Variants in DSN1 observed in about 807,000 individuals in gnomAD.
DSN1 encodes the protein DSN1 component of MIS12 kinetochore complex.
DSN1 carries 31 observed loss-of-function variants against 45.7 expected under a neutral mutation model. The ratio of observed to expected loss-of-function variants is 0.68; its 90% CI spans 0.51 to 0.92. The LOEUF (loss-of-function observed/expected upper bound fraction) is 0.92. Among genes scored for constraint, DSN1 ranks in the 40% least tolerant of loss-of-function variants. DSN1 has a pLI of 0.00. For synonymous variants in DSN1, 134 were observed against 142.3 expected (o/e 0.94, Z 0.41); for missense variants, 394 against 414.2 (o/e 0.95, Z 0.42).
chr20:36,769,063 T>C (rs1341658549), intron 3 of DSN1, among the ~76,000 whole-genome samples: 1 of 152,228 alleles, frequency 6.6e-6, no homozygotes, highest in Non-Finnish European at 1.5e-5. Flanking sequence ...AGGCACAAAG[T>C]AATAGGTCAC....
intron 3 of DSN1, among the ~76,000 whole-genome samples, chr20:36,768,897 A>C (rs1395697959): frequency 1.3e-5 from 2 of 152,172 alleles, no homozygotes; most frequent in Non-Finnish European, 2.9e-5. Flanking sequence ...CTATTACCAC[A>C]CTGCCTCTCT....
At position 36,762,485 on chromosome 20, in the gene DSN1, TG is replaced by T. The variant is rs1987050378; in HGVS notation, c.565del (p.Gln189LysfsTer23). On this transcript the variant is annotated frameshift_variant, in exon 6 of 11. Transcript: ENST00000373750. LOFTEE classifies it high-confidence loss of function. Reference protein sequence around the residue: ...ADGLETDGTLQKCFEDSNGKA... With the variant: ...ADGLETDGTLXKCFEDSNGKA... ...CCCATTTGAATCTTCAAAACATTTTTGTAGAGTTCCATCAGTTTCCAGTCCG... is the reference window on the plus strand; with the variant it reads ...CCCATTTGAATCTTCAAAACATTTTTTAGAGTTCCATCAGTTTCCAGTCCG... The T allele has an allele frequency of 6.2e-7, 1 of 1,613,810 alleles. No homozygotes were observed. The highest frequency in any genetic ancestry group is 1.3e-5 in the African/African-American group (1 of 75,022).
intron 10 of DSN1, among the ~76,000 whole-genome samples, chr20:36,754,334 T>A (rs1325806133): frequency 6.6e-6 from 1 of 151,828 alleles, no homozygotes; most frequent in Non-Finnish European, 1.5e-5. Context: ...GCGAGAGACT[T>A]TGCCCCCCCA....
intron 4 of DSN1, among the ~76,000 whole-genome samples, chr20:36,767,312 A>C (rs1166900904): frequency 6.7e-6 from 1 of 150,136 alleles, no homozygotes; most frequent in Non-Finnish European, 1.5e-5. Context: ...TCTCAAAAAA[A>C]CAACAAAAAA....
chr20:36,755,767 G>A lies in DSN1; in HGVS notation c.788C>T (p.Ser263Phe), dbSNP rs1361542840. ...KVEPMTYLGSSQNEVLNTKPD... is the reference protein window; with the variant it reads ...KVEPMTYLGSFQNEVLNTKPD... ...TTTTGTATTAAGAACTTCATTCTGA[G>A]AAGACCCAAGATATGTCATAGGTTC... The change falls in exon 9 of 11, where the codon TCT becomes TTT. Residue 263 changes from serine (S) to phenylalanine (F), a missense_variant. Ser to Phe is a radical substitution (Grantham distance 155). Coordinates refer to ENST00000373750, the MANE Select transcript of DSN1 (RefSeq NM_001145315.2). 6.2e-7 allele frequency: 1 copy of A among 1,614,016 alleles called. No individual in the cohort carries two copies. Among genetic ancestry groups the A allele is most frequent in the Non-Finnish European group, 8.5e-7 (1 of 1,180,000 alleles).
intron 6 of DSN1, among the ~76,000 whole-genome samples, chr20:36,760,230 C>T (rs138424662): frequency 0.028 from 4,251 of 151,730 alleles, 241 homozygotes; most frequent in African/African-American, 0.098. Flanking sequence ...GCCAACAGAG[C>T]GAGACTCTGC....
chr20:36,771,032 C>G lies in DSN1; in HGVS notation c.196G>C (p.Asp66His). The G allele has an allele frequency of 6.2e-7, 1 of 1,614,176 alleles. No homozygotes were observed. The highest frequency in any genetic ancestry group is 8.5e-7 in the Non-Finnish European group (1 of 1,180,026). The change falls in exon 3 of 11, where the codon GAT becomes CAT. Residue 66 changes from aspartate (D) to histidine (H), a missense_variant. By Grantham distance (81) the Asp-to-His change is moderately conservative. Transcript: ENST00000373750. ...TGAAGTCTTTCCTGGTGGCTGAGAT[C>G]ACAATTTCCCCCTTTTTTAGGGCTA... ...GSSPKKGGNC[D>H]LSHQERLQSK...
At chr20:36,763,467 A>T (rs2148272742) in intron 5 of DSN1, among the ~76,000 whole-genome samples, 1 of 151,822 alleles carries the variant, frequency 6.6e-6, no homozygotes, top group African/African-American at 2.4e-5. Flanking sequence ...GTAATAAGAA[A>T]CACGGAGGCA....
chr20:36,766,734 C>G (rs749091670), intron 5 of DSN1, 35 bp downstream of exon 5: 2 of 1,568,650 alleles, frequency 1.3e-6, no homozygotes, highest in Non-Finnish European at 1.7e-6. Flanking sequence ...TTTGACTGCC[C>G]AGGGTCAAAG....
rs1986404948 is a variant in DSN1, at chr20:36,751,975, T to C, written c.*813A>G. The C allele has an allele frequency of 6.6e-6, 1 of 152,192 alleles. No homozygotes were observed. 9.4% of individuals were successfully genotyped at this position (152,192 alleles called of 1,614,324 possible). A position where few individuals can be genotyped will look rare whatever the true frequency, so the allele number is the denominator to read the frequency against. On this transcript the variant is annotated 3_prime_UTR_variant, in exon 11 of 11. Coordinates refer to ENST00000373750, the MANE Select transcript of DSN1 (RefSeq NM_001145315.2). ...ACATAGAGAATGAGTGGTATTTCCTTCAAATTGAACATCTTGTGAAGTGAC... is the reference window on the plus strand; with the variant it reads ...ACATAGAGAATGAGTGGTATTTCCTCCAAATTGAACATCTTGTGAAGTGAC...
intron 10 of DSN1, 140 bp from the exon 11 acceptor site, chr20:36,753,037 A>G (rs1264318410): frequency 2.6e-5 from 18 of 685,594 alleles, no homozygotes; most frequent in Admixed American, 5.3e-5. Flanking sequence ...CAAGGAGATG[A>G]CAATTTGGTA....
At chr20:36,762,758 T>A (rs1361779259) in intron 5 of DSN1, among the ~76,000 whole-genome samples, 1 of 152,174 alleles carries the variant, frequency 6.6e-6, no homozygotes, top group Non-Finnish European at 1.5e-5. Context: ...AACTCATTTT[T>A]ATCTATTTAT....
At chr20:36,766,357 T>C (rs117271223) in intron 5 of DSN1, among the ~76,000 whole-genome samples, 1 of 151,852 alleles carries the variant, frequency 6.6e-6, no homozygotes, top group Non-Finnish European at 1.5e-5. Context: ...TTCATAAGCA[T>C]GTATTCTTGC....
At chr20:36,760,610 C>T (rs565504969) in intron 6 of DSN1, among the ~76,000 whole-genome samples, 5 of 152,170 alleles carry the variant, frequency 3.3e-5, no homozygotes, top group East Asian at 3.9e-4. Context: ...AAAATAGGCC[C>T]GGTGTGGTGG....
chr20:36,762,345 C>T (rs926616812), intron 6 of DSN1, 116 bp downstream of exon 6: 70 of 745,906 alleles, frequency 9.4e-5, no homozygotes, highest in Admixed American at 5.8e-4. Context: ...CTCCTGACCT[C>T]GTAATCCGCC....
rs1166595395 is a variant in DSN1, at chr20:36,754,833, T to G, written c.891A>C (p.Gly297=). 7 of 1,613,872 alleles carry G rather than the reference T, an allele frequency of 4.3e-6. No homozygotes were observed. The highest frequency in any genetic ancestry group is 3.3e-5 in the South Asian group (3 of 91,070). Residue 297 remains glycine (G), a synonymous_variant, in exon 10 of 11, where the codon GGA becomes GGC. Coordinates refer to ENST00000373750, the MANE Select transcript of DSN1 (RefSeq NM_001145315.2). ...TAAAGGCCTGCAGCTGTTTCACTGA[T>G]CCTTGCAGTTCATCCATCTGTAGAA... ...CMELVMDELQ[G]SVKQLQAFMD...
At chr20:36,757,892 G>A (rs1207001915) in intron 8 of DSN1, among the ~76,000 whole-genome samples, 195 bp downstream of exon 8, 1 of 152,234 alleles carries the variant, frequency 6.6e-6, no homozygotes, top group Non-Finnish European at 1.5e-5. Context: ...ACTGAAAATA[G>A]TGACACCAAC....
At position 36,771,468 on chromosome 20, in the gene DSN1, T is replaced by C. The variant is rs201213495; in HGVS notation, c.-10A>G. The C allele has an allele frequency of 4.2e-4, 670 of 1,613,474 alleles. 2 individuals are homozygous for C. The highest frequency in any genetic ancestry group is 2.7e-5 in the Non-Finnish European group (32 of 1,179,606). On this transcript the variant is annotated 5_prime_UTR_variant, in exon 2 of 11. Transcript: ENST00000373750. ...TAGTCACTGAAGTCATCCTAGGTGGTAAACTCTGAAAATAGGAAAATGGAA... is the reference window on the plus strand; with the variant it reads ...TAGTCACTGAAGTCATCCTAGGTGGCAAACTCTGAAAATAGGAAAATGGAA...
At chr20:36,757,486 G>A (rs1357788133) in intron 8 of DSN1, among the ~76,000 whole-genome samples, 1 of 152,208 alleles carries the variant, frequency 6.6e-6, no homozygotes, top group Non-Finnish European at 1.5e-5. Context: ...GGCTGAGGCA[G>A]GAAAATTGCT....
Sources: gnomAD v4.1 joint callset for allele counts (sites outside exome capture counted in the v4.1 genomes callset) on GRCh38, gnomAD v4.1.1 for gene constraint, MANE v1.5 for transcripts, NCBI Gene and HGNC (gene_info 2026-07-23, HGNC 2026-07-21) for gene names.